TUSC3: variants seen among roughly 807,000 people sequenced by gnomAD.
TUSC3 encodes tumor suppressor candidate 3.
In TUSC3, 45 loss-of-function variants were observed where a neutral mutation model predicts 44.8. The observed-to-expected ratio is 1.00, with a 90% confidence interval of 0.79 to 1.29. The LOEUF (loss-of-function observed/expected upper bound fraction) is 1.29. Among genes scored for constraint, TUSC3 ranks in the 50% most tolerant of loss-of-function variants. TUSC3 has a pLI of 0.00. For missense variants in TUSC3, 519 were observed against 437.9 expected, an observed-to-expected ratio of 1.19 and a Z score of -1.65; for synonymous variants, 212 against 152.9, an observed-to-expected ratio of 1.39 and a Z score of -2.85.
chr8:15,666,559 T>C (rs1807669827), intron 5 of TUSC3, among the ~76,000 whole-genome samples: 1 of 151,522 alleles, frequency 6.6e-6, no homozygotes, highest in Admixed American at 6.6e-5. Flanking sequence ...TCAGTAGAAA[T>C]TTATTTCTTG....
chr8:15,778,342 C>T, the TUSC3 span, among the ~76,000 whole-genome samples: 1 of 152,182 alleles, frequency 6.6e-6, no homozygotes, highest in East Asian at 1.9e-4. Context: ...TTTTAGGGTC[C>T]TGGGAAAAAC....
intron 1 of TUSC3, chr8:15,483,365 A>C (rs992943433): frequency 2.3e-5 from 5 of 219,190 alleles, no homozygotes; most frequent in Non-Finnish European, 4.6e-5. Context: ...TTTGAGACGG[A>C]GTTTCACTGT....
intron 2 of TUSC3, among the ~76,000 whole-genome samples, chr8:15,626,633 C>A (rs1446394992): frequency 6.6e-6 from 1 of 152,192 alleles, no homozygotes; most frequent in Admixed American, 6.5e-5. Flanking sequence ...CTTACCCCTG[C>A]AGGCTTGGAG....
At chr8:15,604,122 T>TTA (rs1225707842) in intron 1 of TUSC3, among the ~76,000 whole-genome samples, 1 of 151,748 alleles carries the variant, frequency 6.6e-6, no homozygotes, top group Non-Finnish European at 1.5e-5. Flanking sequence ...AACAAAAGTT[T>TTA]GAATTAAAAG....
rs1276079521 is a variant in TUSC3, at chr8:15,448,117, A to ATATATATATATT, written n.91+30815_91+30816insATATATATTTAT. Among the ~76,000 whole-genome samples, 863 of 93,758 alleles carry ATATATATATATT rather than the reference A, an allele frequency of 9.2e-3. 77 individuals are homozygous for ATATATATATATT. Among genetic ancestry groups the ATATATATATATT allele is most frequent in the African/African-American group, 0.034 (820 of 24,002 alleles). The allele number at this position is 93,758 out of a possible 152,430, so 61.5% of individuals were successfully genotyped here. On this transcript the variant is annotated intron_variant and non_coding_transcript_variant, in intron 1 of 5. Coordinates refer to the TUSC3 transcript ENST00000503191. Reference sequence around the variant, plus strand: ...TATGGTAGTGTATATACATATATATATATTTATTTATTTATTTTTTAGATG... The same window carrying ATATATATATATT: ...TATGGTAGTGTATATACATATATATATATATATATATTTATTTATTTATTTATTTTTTAGATG...
intron 1 of TUSC3, among the ~76,000 whole-genome samples, chr8:15,470,929 C>A (rs1333566144): frequency 6.6e-6 from 1 of 151,936 alleles, no homozygotes; most frequent in Non-Finnish European, 1.5e-5. Context: ...TGCAGCCACC[C>A]TCAACCCTGC....
At chr8:15,831,308 T>G in the TUSC3 span, among the ~76,000 whole-genome samples, 17,438 of 152,190 alleles carry the variant, frequency 0.11, 1,089 homozygotes, top group East Asian at 0.25. Context: ...CCAAAGGTCA[T>G]CAACTTCAAA....
chr8:15,650,859 G>A (rs759675293), intron 3 of TUSC3, 45 bp downstream of exon 3: 1 of 1,574,688 alleles, frequency 6.4e-7, no homozygotes, highest in South Asian at 1.1e-5. Flanking sequence ...AGTTGTTTGT[G>A]GTCGATACAT....
intron 2 of TUSC3, among the ~76,000 whole-genome samples, chr8:15,637,924 C>G (rs1419292154): frequency 2.0e-5 from 3 of 152,052 alleles, no homozygotes; most frequent in Non-Finnish European, 2.9e-5. Flanking sequence ...TTTTCATGAC[C>G]TGCTTCTCTG....
At chr8:15,790,383 C>T in the TUSC3 span, among the ~76,000 whole-genome samples, 6 of 151,862 alleles carry the variant, frequency 4.0e-5, no homozygotes, top group Non-Finnish European at 8.8e-5. Flanking sequence ...TAGGGTTTCA[C>T]CATGTTGGCC....
chr8:15,497,020 T>C (rs775763106), intron 2 of TUSC3, among the ~76,000 whole-genome samples: 3 of 152,096 alleles, frequency 2.0e-5, no homozygotes, highest in Admixed American at 6.5e-5. Flanking sequence ...TCTAAAAAGA[T>C]AGGGGAAGCA....
chr8:15,522,636 C>G (rs1441585013), intron 2 of TUSC3, among the ~76,000 whole-genome samples: 1 of 151,574 alleles, frequency 6.6e-6, no homozygotes, highest in Admixed American at 6.6e-5. Flanking sequence ...GTAAGCTATT[C>G]CTCCCAAGAT....
intron 1 of TUSC3, among the ~76,000 whole-genome samples, chr8:15,439,427 T>A (rs989845858): frequency 9.2e-5 from 14 of 152,136 alleles, no homozygotes; most frequent in Admixed American, 6.5e-5. Context: ...TGTTGTAGGA[T>A]GTTCCTGTAG....
the TUSC3 span, among the ~76,000 whole-genome samples, chr8:15,848,450 G>A: frequency 2.0e-5 from 3 of 152,294 alleles, no homozygotes; most frequent in South Asian, 4.1e-4. Context: ...AAAACCCAGG[G>A]CAGGCTGCTT....
At chr8:15,588,877 T>G (rs1442530997) in intron 1 of TUSC3, among the ~76,000 whole-genome samples, 1 of 152,136 alleles carries the variant, frequency 6.6e-6, no homozygotes, top group African/African-American at 2.4e-5. Context: ...ATATGTGGAT[T>G]TATTTCTGGA....
chr8:15,704,252 A>T (rs1334298116), intron 6 of TUSC3, among the ~76,000 whole-genome samples: 1 of 108,998 alleles, frequency 9.2e-6, no homozygotes, highest in Non-Finnish European at 1.9e-5. Flanking sequence ...AACATTCTTA[A>T]TGGTTTTTTT....
chr8:15,673,321 T>C (rs750003229), intron 5 of TUSC3, among the ~76,000 whole-genome samples: 3 of 152,074 alleles, frequency 2.0e-5, no homozygotes, highest in Non-Finnish European at 4.4e-5. Flanking sequence ...TCCAAGAATG[T>C]AGGGTTTTGG....
At chr8:15,540,720 G>C in intron 1 of TUSC3, 152 bp downstream of exon 1, 1 of 1,134,290 alleles carries the variant, frequency 8.8e-7, no homozygotes, top group Non-Finnish European at 1.2e-6. Context: ...GGGAGGCCCT[G>C]GGGCGTTTCC....
intron 1 of TUSC3, among the ~76,000 whole-genome samples, chr8:15,597,115 G>T (rs899166787): frequency 6.6e-6 from 1 of 152,118 alleles, no homozygotes; most frequent in African/African-American, 2.4e-5. Context: ...GTGATAAATA[G>T]AATATGGAGA....
Sources: gnomAD v4.1 joint callset for allele counts (sites outside exome capture counted in the v4.1 genomes callset) on GRCh38, gnomAD v4.1.1 for gene constraint, MANE v1.5 for transcripts, NCBI Gene and HGNC (gene_info 2026-07-23, HGNC 2026-07-21) for gene names.